Variants in ERCC5 observed in about 807,000 individuals in gnomAD.
The protein encoded by ERCC5 is DNA excision repair protein ERCC-5.
In ERCC5, 68 loss-of-function variants were observed where a neutral mutation model predicts 105.6. The ratio of observed to expected loss-of-function variants is 0.64; its 90% CI spans 0.53 to 0.79. The LOEUF is 0.79. Ranked by LOEUF, ERCC5 falls within the 30% of genes least tolerant of loss-of-function variation. ERCC5 has a pLI of 0.00. For missense variants in ERCC5, 1,373 were observed against 1,426.7 expected, an observed-to-expected ratio of 0.96 and a Z score of 0.61; for synonymous variants, 546 against 526.2, an observed-to-expected ratio of 1.04 and a Z score of -0.51.
At chr13:102,867,932 A>G (rs1416568392) in intron 11 of ERCC5, among the ~76,000 whole-genome samples, 181 bp from the exon 12 acceptor site, 2 of 152,228 alleles carry the variant, frequency 1.3e-5, no homozygotes, top group Non-Finnish European at 2.9e-5. Flanking sequence ...AGAATGGATG[A>G]AACTTTAAAA....
Position 102,862,611 on chromosome 13 carries a change from A to AT in ERCC5, c.1463dup (p.Ser489LysfsTer2), listed in dbSNP as rs764370820. 7 of 1,614,010 alleles carry AT rather than the reference A, an allele frequency of 4.3e-6. No individual in the cohort carries two copies. Among genetic ancestry groups the AT allele is most frequent in the Non-Finnish European group, 5.9e-6 (7 of 1,180,036 alleles). ...TCACGTGGGGACTGAAGCCTTTCCG[A>AT]TAAGTGATGAGTCTATGATTAAGGA... On this transcript the variant is annotated frameshift_variant, in exon 8 of 15. Transcript: ENST00000652225. LOFTEE classifies it high-confidence loss of function.
At chr13:102,866,143 G>C (rs1242384241) in intron 9 of ERCC5, 119 bp from the exon 10 acceptor site, 7 of 1,508,446 alleles carry the variant, frequency 4.6e-6, no homozygotes, top group Non-Finnish European at 6.4e-6. Context: ...ATCCAGTGGA[G>C]TACTTCCTAA....
intron 6 of ERCC5, 64 bp from the exon 7 acceptor site, chr13:102,861,443 A>T: frequency 1.3e-6 from 2 of 1,559,492 alleles, no homozygotes; most frequent in Non-Finnish European, 8.8e-7. Flanking sequence ...AAAGGGTGGA[A>T]ATATGGTAAT....
intron 1 of ERCC5, among the ~76,000 whole-genome samples, chr13:102,850,659 C>T (rs1882167346): frequency 6.6e-6 from 1 of 152,130 alleles, no homozygotes; most frequent in Non-Finnish European, 1.5e-5. Context: ...CAGGGACATT[C>T]ACTGAGATGG....
chr13:102,856,751 T>C lies in ERCC5; in HGVS notation c.528+639T>C, dbSNP rs4150286. 6.7e-4 allele frequency among the ~76,000 whole-genome samples: 102 copies of C among 152,250 alleles called. 1 individual carries two copies. The highest frequency in any genetic ancestry group is 1.4e-3 in the Admixed American group (21 of 15,292). On this transcript the variant is annotated intron_variant, in intron 5 of 14. Coordinates refer to ENST00000652225, the MANE Select transcript of ERCC5 (RefSeq NM_000123.4). ...GTTTCCTTGCTGCCATGGGCGGTGG[T>C]TGATGCTGGCTGTCAGCCAGTCTTC...
chr13:102,863,172 G>A, intron 8 of ERCC5, 69 bp downstream of exon 8: 10 of 1,534,290 alleles, frequency 6.5e-6, no homozygotes, highest in Non-Finnish European at 8.9e-6. Flanking sequence ...TCAGAGATCG[G>A]TTAGTGTAGT....
At chr13:102,850,846 G>A (rs1882174197) in intron 1 of ERCC5, among the ~76,000 whole-genome samples, 1 of 152,164 alleles carries the variant, frequency 6.6e-6, no homozygotes, top group Admixed American at 6.5e-5. Context: ...GAGGGGAGTG[G>A]AGGTTGATAG....
chr13:102,873,864 C>T (rs1283943729), intron 14 of ERCC5, among the ~76,000 whole-genome samples: 2 of 152,172 alleles, frequency 1.3e-5, no homozygotes, highest in African/African-American at 4.8e-5. Flanking sequence ...TGAGTATGTT[C>T]TGACTCACAC....
At chr13:102,868,356 T>C (rs1228657057) in intron 12 of ERCC5, 99 bp downstream of exon 12, 2 of 1,483,736 alleles carry the variant, frequency 1.3e-6, no homozygotes, top group Non-Finnish European at 1.9e-6. Context: ...CTGTAACATG[T>C]GAACAATGGT....
Position 102,862,540 on chromosome 13 carries a change from GGA to G in ERCC5, c.1397_1398del (p.Glu466AlafsTer18), listed in dbSNP as rs1882672806. Reference sequence around the variant, plus strand: ...GAGCACGTAGCCAGCACTAATGAGGGGAGAGAGCCCACAGACTCAGTTCCAAA... The same window carrying G: ...GAGCACGTAGCCAGCACTAATGAGGGGAGAGCCCACAGACTCAGTTCCAAA... On this transcript the variant is annotated frameshift_variant, in exon 8 of 15. Transcript: ENST00000652225. LOFTEE classifies it high-confidence loss of function. The G allele has an allele frequency of 6.2e-7, 1 of 1,614,006 alleles. No homozygotes were observed. Among genetic ancestry groups the G allele is most frequent in the Non-Finnish European group, 8.5e-7 (1 of 1,180,032 alleles).
chr13:102,851,475 A>G (rs1882200894), intron 1 of ERCC5, among the ~76,000 whole-genome samples: 2 of 152,092 alleles, frequency 1.3e-5, no homozygotes, highest in South Asian at 4.2e-4. Flanking sequence ...TTGTATTTTT[A>G]GTAGAGATGG....
At position 102,858,261 on chromosome 13, in the gene ERCC5, T is replaced by G; in HGVS notation, c.529-14T>G. ...AAATGTAAATTTCATGGTGCTGTGA[T>G]TTTATCTTTACAGGAAGAGTTCTTT... On this transcript the variant is annotated splice_polypyrimidine_tract_variant and intron_variant, in intron 5 of 14. Transcript: ENST00000652225. 1 of 1,614,152 alleles carries G rather than the reference T, an allele frequency of 6.2e-7. No homozygotes were observed. Among genetic ancestry groups the G allele is most frequent in the Non-Finnish European group, 8.5e-7 (1 of 1,179,986 alleles).
Position 102,868,257 on chromosome 13 carries a change from C to T in ERCC5, c.2678C>T (p.Ser893Leu), listed in dbSNP as rs763466582. Residue 893 changes from serine to leucine, a missense_variant and splice_region_variant, in exon 12 of 15, where the codon TCA (serine) becomes TTA (leucine). Ser to Leu is a moderately radical substitution (Grantham distance 145). Around this residue, in one of 3 missense-constraint regions of ERCC5, gnomAD observed 367 missense variants for 350.2 expected, o/e 1.05. Transcript: ENST00000652225. ...GHGLEPLLKF[S>L]EWWHEAQKNP... ...GGCCTGGAACCTCTCCTAAAATTCT[C>T]GTAAGGTCTTTTATTTCTTTAATTT... 35 of 1,613,978 alleles carry T rather than the reference C, an allele frequency of 2.2e-5. No homozygotes were observed. Among genetic ancestry groups the T allele is most frequent in the African/African-American group, 8.0e-5 (6 of 74,926 alleles).
chr13:102,847,093 G>A (rs1881994458), intron 1 of ERCC5, among the ~76,000 whole-genome samples: 1 of 152,160 alleles, frequency 6.6e-6, no homozygotes, highest in Non-Finnish European at 1.5e-5. Context: ...GATTAGTTTT[G>A]CTTGAGTCTT....
intron 12 of ERCC5, 108 bp downstream of exon 12, chr13:102,868,365 G>T: frequency 7.0e-7 from 1 of 1,437,086 alleles, no homozygotes; most frequent in South Asian, 1.2e-5. Context: ...GTGAACAATG[G>T]TTCACTGAGA....
At chr13:102,863,271 T>G (rs1290018855) in intron 8 of ERCC5, among the ~76,000 whole-genome samples, 168 bp downstream of exon 8, 3 of 152,232 alleles carry the variant, frequency 2.0e-5, no homozygotes, top group Admixed American at 2.0e-4. Flanking sequence ...GGTCATGGAA[T>G]CTTGACCTTC....
At chr13:102,846,455 C>A in intron 1 of ERCC5, 101 bp downstream of exon 1, 1 of 1,057,304 alleles carries the variant, frequency 9.5e-7, no homozygotes, top group Non-Finnish European at 1.4e-6. Flanking sequence ...GGATGATGGT[C>A]TTGGGTCGGG....
chr13:102,855,972 G>T, intron 4 of ERCC5, 80 bp from the exon 5 acceptor site: 2 of 1,406,574 alleles, frequency 1.4e-6, no homozygotes, highest in South Asian at 1.2e-5. Flanking sequence ...CCCGTATAAC[G>T]AGCAGAGCCT....
rs181626492 is a variant in ERCC5 at position 102,855,692 on chromosome 13, G to C, written c.468-360G>C. ...TCATACAACTTAGTTCTTTTGCCTG[G>C]AACACTCTTCTCCATGAACCTTCCC... On this transcript the variant is annotated intron_variant, in intron 4 of 14. Transcript: ENST00000652225. Among the ~76,000 whole-genome samples the C allele has an allele frequency of 7.6e-4, 116 of 152,156 alleles. 4 individuals are homozygous for C. In the East Asian group the frequency reaches 0.021, roughly 28 times the overall value.
Sources: gnomAD v4.1 joint callset for allele counts (sites outside exome capture counted in the v4.1 genomes callset) on GRCh38, gnomAD v4.1.1 for gene constraint, gnomAD v4.1.1 regional missense constraint, MANE v1.5 for transcripts, NCBI Gene and HGNC (gene_info 2026-07-23, HGNC 2026-07-21) for gene names.